The following ITGA9 variants were observed in gnomAD, a reference collection of about 807,000 sequenced individuals.
The protein encoded by ITGA9 is integrin alpha-9.
Under a neutral mutation model 127.8 loss-of-function variants are expected in ITGA9, and 56 were observed. The ratio of observed to expected loss-of-function variants is 0.44; its 90% CI spans 0.35 to 0.55. The LOEUF is 0.55. Among genes scored for constraint, ITGA9 ranks in the 20% least tolerant of loss-of-function variants. The probability of loss-of-function intolerance (pLI) is 0.00; values close to 1 mark genes in which losing one functional copy is unlikely to be tolerated. For synonymous variants in ITGA9, 508 were observed against 514.5 expected, an observed-to-expected ratio of 0.99 and a Z score of 0.17; for missense variants, 1,196 against 1,347.1, an observed-to-expected ratio of 0.89 and a Z score of 1.76.
rs141980125 is a variant in ITGA9 at position 37,557,283 on chromosome 3, A to G, written c.1689+14698A>G. Among the ~76,000 whole-genome samples, 246 of 152,188 alleles carry G rather than the reference A, an allele frequency of 1.6e-3. 1 individual carries two copies. Among genetic ancestry groups the G allele is most frequent in the African/African-American group, 5.8e-3 (239 of 41,524 alleles). On this transcript the variant is annotated intron_variant, in intron 15 of 27. Coordinates refer to ENST00000264741, the MANE Select transcript of ITGA9 (RefSeq NM_002207.3). ...TTGTGAGAAAATGGTGGCCTCCTAT[A>G]TTTCTTCCCTGACAGGTTACTGTGG...
intron 27 of ITGA9, 121 bp from the exon 28 acceptor site, chr3:37,818,770 T>A (rs1697473799): frequency 1.3e-6 from 1 of 756,014 alleles, no homozygotes; most frequent in Admixed American, 2.0e-5. Context: ...CGAGGGGTCC[T>A]CCAAGCCTCC....
chr3:37,750,493 G>A lies in ITGA9; in HGVS notation c.2465G>A (p.Gly822Glu), dbSNP rs1337720823. The part of the protein sequence containing the change: ...VYNTGPSTLP[G>E]SSVSISFPNR... Reference sequence around the variant, plus strand: ...AACACTGGCCCAAGCACCCTTCCAGGGTCATCTGTCAGCATCTCTTTCCCT... The same window carrying A: ...AACACTGGCCCAAGCACCCTTCCAGAGTCATCTGTCAGCATCTCTTTCCCT... Residue 822 changes from glycine (G) to glutamate (E), a missense_variant, in exon 23 of 28, where the codon GGG becomes GAG. Coordinates refer to ENST00000264741, the MANE Select transcript of ITGA9 (RefSeq NM_002207.3). The A allele has an allele frequency of 6.2e-7, 1 of 1,613,564 alleles. No individual in the cohort carries two copies. The highest frequency in any genetic ancestry group is 8.5e-7 in the Non-Finnish European group (1 of 1,179,642).
At chr3:37,674,376 A>G (rs530625745) in intron 17 of ITGA9, among the ~76,000 whole-genome samples, 3 of 152,218 alleles carry the variant, frequency 2.0e-5, no homozygotes, top group South Asian at 4.1e-4. Context: ...TACCTTGGAA[A>G]TGCAATAGCA....
chr3:37,502,150 C>T (rs1698793090), intron 5 of ITGA9, among the ~76,000 whole-genome samples: 1 of 151,676 alleles, frequency 6.6e-6, no homozygotes, highest in African/African-American at 2.4e-5. Flanking sequence ...TGCTCTCAGC[C>T]CTGTTGACCA....
intron 23 of ITGA9, among the ~76,000 whole-genome samples, chr3:37,760,613 T>C (rs1449966733): frequency 6.6e-6 from 1 of 152,162 alleles, no homozygotes; most frequent in Non-Finnish European, 1.5e-5. Context: ...TGAAGACAAT[T>C]GGCTATCCAT....
intron 16 of ITGA9, among the ~76,000 whole-genome samples, chr3:37,640,462 G>A (rs540779988): frequency 1.3e-5 from 2 of 152,198 alleles, no homozygotes; most frequent in East Asian, 1.9e-4. Flanking sequence ...ACAGAACCAG[G>A]TGCTTCCAAA....
chr3:37,673,627 C>T (rs1415690290), intron 17 of ITGA9, among the ~76,000 whole-genome samples: 1 of 152,182 alleles, frequency 6.6e-6, no homozygotes, highest in African/African-American at 2.4e-5. Context: ...TCAGCTTTTC[C>T]TTATCTTACC....
chr3:37,653,739 C>G lies in ITGA9; in HGVS notation c.1865C>G (p.Ser622Ter). The change falls in exon 17 of 28, where the codon TCA becomes TGA. Residue 622 changes from serine (S) to a stop codon, truncating the protein, a stop_gained. Transcript: ENST00000264741. LOFTEE classifies it high-confidence loss of function. Reference sequence around the variant, plus strand: ...ACTGTTTTTGAAAGGAATTGCCGTTCAGAGGACTGTGCCGCAGACCTGCAG... The same window carrying G: ...ACTGTTTTTGAAAGGAATTGCCGTTGAGAGGACTGTGCCGCAGACCTGCAG... The part of the protein sequence containing the change: ...NQTVFERNCR[S>*]EDCAADLQLQ... 6.2e-7 allele frequency: 1 copy of G among 1,613,910 alleles called. No individual in the cohort carries two copies.
intron 17 of ITGA9, among the ~76,000 whole-genome samples, chr3:37,675,866 C>T (rs1700676691): frequency 6.6e-6 from 1 of 151,292 alleles, no homozygotes; most frequent in Admixed American, 6.6e-5. Flanking sequence ...GCCTCAGCCT[C>T]CTAAGTAGCT....
chr3:37,526,105 C>G, intron 13 of ITGA9, 34 bp downstream of exon 13: 1 of 1,597,800 alleles, frequency 6.3e-7, no homozygotes, highest in Non-Finnish European at 8.6e-7. Flanking sequence ...TTGAATTGTG[C>G]TGTTCAGGGT....
At chr3:37,766,528 A>T (rs1044885179) in intron 23 of ITGA9, among the ~76,000 whole-genome samples, 1 of 152,196 alleles carries the variant, frequency 6.6e-6, no homozygotes, top group African/African-American at 2.4e-5. Flanking sequence ...ACCCTTTGAT[A>T]AAAGGGAACT....
intron 15 of ITGA9, among the ~76,000 whole-genome samples, chr3:37,621,996 A>C (rs1175972372): frequency 6.6e-6 from 1 of 152,188 alleles, no homozygotes; most frequent in South Asian, 2.1e-4. Flanking sequence ...TAGTTCAAAC[A>C]GTTCAAGCAT....
intron 17 of ITGA9, among the ~76,000 whole-genome samples, chr3:37,657,875 C>G (rs1382683641): frequency 6.6e-6 from 1 of 152,042 alleles, no homozygotes; most frequent in Non-Finnish European, 1.5e-5. Context: ...TGTGTCCCAG[C>G]AATTCTGGTA....
At chr3:37,628,523 C>T (rs945699928) in intron 15 of ITGA9, among the ~76,000 whole-genome samples, 1 of 152,122 alleles carries the variant, frequency 6.6e-6, no homozygotes, top group Non-Finnish European at 1.5e-5. Flanking sequence ...ACTCACAGGG[C>T]GTGGGTGTGT....
intron 16 of ITGA9, among the ~76,000 whole-genome samples, chr3:37,630,118 T>G (rs534233801): frequency 6.6e-6 from 1 of 152,200 alleles, no homozygotes; most frequent in African/African-American, 2.4e-5. Context: ...TGGAACCACC[T>G]TTCACAGTGC....
At chr3:37,553,120 T>C (rs1474330789) in intron 15 of ITGA9, among the ~76,000 whole-genome samples, 1 of 152,094 alleles carries the variant, frequency 6.6e-6, no homozygotes, top group African/African-American at 2.4e-5. Context: ...ATTCCCTAAA[T>C]GTCATTTGCT....
intron 15 of ITGA9, among the ~76,000 whole-genome samples, chr3:37,623,858 C>T (rs1309510037): frequency 6.6e-6 from 1 of 152,072 alleles, no homozygotes. Flanking sequence ...TAACTGTGAT[C>T]TTATTTATTA....
intron 18 of ITGA9, among the ~76,000 whole-genome samples, chr3:37,694,503 C>T (rs1417721789): frequency 1.3e-5 from 2 of 152,208 alleles, no homozygotes; most frequent in African/African-American, 4.8e-5. Flanking sequence ...AGTATTCCGC[C>T]GCGGGGCTCA....
chr3:37,674,327 A>G (rs1700662460), intron 17 of ITGA9, among the ~76,000 whole-genome samples: 1 of 152,230 alleles, frequency 6.6e-6, no homozygotes, highest in Non-Finnish European at 1.5e-5. Context: ...AGTAAACACC[A>G]TACCAACATT....
Sources: gnomAD v4.1 joint callset for allele counts (sites outside exome capture counted in the v4.1 genomes callset) on GRCh38, gnomAD v4.1.1 for gene constraint, MANE v1.5 for transcripts, NCBI Gene and HGNC (gene_info 2026-07-23, HGNC 2026-07-21) for gene names.